Variants in FRS2 observed in about 807,000 individuals in gnomAD.
The protein encoded by FRS2 is FGFR signalling adaptor.
A neutral mutation model predicts 43.9 loss-of-function variants in FRS2; 8 were observed. That is an observed-to-expected ratio of 0.18 (90% confidence interval 0.11 to 0.33). The LOEUF (loss-of-function observed/expected upper bound fraction) is 0.33, where lower values mean the gene tolerates loss of function less well. Among genes scored for constraint, FRS2 ranks in the 10% least tolerant of loss-of-function variants. The probability of loss-of-function intolerance (pLI) is 1.00; values close to 1 mark genes in which losing one functional copy is unlikely to be tolerated. For missense variants in FRS2, 534 were observed against 627.6 expected (o/e 0.85, Z 1.59); for synonymous variants, 219 against 220.3 (o/e 0.99, Z 0.05).
At chr12:69,542,904 T>A (rs988242453) in intron 3 of FRS2, among the ~76,000 whole-genome samples, 2 of 152,184 alleles carry the variant, frequency 1.3e-5, no homozygotes, top group Admixed American at 6.5e-5. Flanking sequence ...TGAGCTAGCT[T>A]GGAGGAAATA....
Position 69,562,157 on chromosome 12 carries a change from CAAT to C in FRS2, c.-121-22_-121-20del. ...TTATTCTTTAGAAATGAGAAATTCT[CAAT>C]GTTTTTCTTCTGTTTTTAGGTTAAA... On this transcript the variant is annotated intron_variant, in intron 3 of 8. Coordinates refer to ENST00000549921, the MANE Select transcript of FRS2 (RefSeq NM_001278356.2). 2.5e-6 allele frequency: 1 copy of C among 397,630 alleles called. No individual in the cohort carries two copies. Among genetic ancestry groups the C allele is most frequent in the Middle Eastern group, 6.3e-4 (1 of 1,582 alleles). The allele number at this position is 397,630 out of a possible 1,614,324, so 24.6% of individuals were successfully genotyped here.
intron 1 of FRS2, among the ~76,000 whole-genome samples, chr12:69,517,375 A>G (rs532764496): frequency 7.9e-5 from 12 of 152,316 alleles, no homozygotes; most frequent in African/African-American, 2.9e-4. Flanking sequence ...CTCATTATGT[A>G]TATGCAGATA....
At chr12:69,482,926 G>T (rs921542448) in intron 1 of FRS2, among the ~76,000 whole-genome samples, 1 of 152,146 alleles carries the variant, frequency 6.6e-6, no homozygotes. Flanking sequence ...TGGTAGGTTA[G>T]TGCCTTGAAA....
chr12:69,493,669 C>T (rs567416715), intron 1 of FRS2, among the ~76,000 whole-genome samples: 7 of 152,190 alleles, frequency 4.6e-5, no homozygotes, highest in Admixed American at 2.6e-4. Flanking sequence ...TGTGATAAGC[C>T]GAGATCGCGC....
At chr12:69,571,863 C>T (rs1435575572) in intron 7 of FRS2, among the ~76,000 whole-genome samples, 1 of 151,922 alleles carries the variant, frequency 6.6e-6, no homozygotes, top group Non-Finnish European at 1.5e-5. Context: ...GACTCCGTCT[C>T]AAAAACAAAA....
At chr12:69,508,751 C>T (rs1208194334) in intron 1 of FRS2, among the ~76,000 whole-genome samples, 2 of 152,184 alleles carry the variant, frequency 1.3e-5, no homozygotes, top group Non-Finnish European at 1.5e-5. Flanking sequence ...TATTTGTCTT[C>T]ATTTTTCTAA....
At chr12:69,512,038 C>T (rs976269928) in intron 1 of FRS2, among the ~76,000 whole-genome samples, 5 of 152,176 alleles carry the variant, frequency 3.3e-5, no homozygotes, top group African/African-American at 1.2e-4. Flanking sequence ...CCAGACTCCA[C>T]AGAGCTGTCA....
At chr12:69,521,340 T>A (rs1875617700) in intron 1 of FRS2, among the ~76,000 whole-genome samples, 1 of 152,218 alleles carries the variant, frequency 6.6e-6, no homozygotes. Flanking sequence ...AATTATGTTG[T>A]CTGCAAACAA....
Position 69,574,034 on chromosome 12 carries a change from G to T in FRS2, c.606G>T (p.Val202=). ...QVHTYVNTTG[V]QEERKNRTSV... is the part of the protein sequence containing the mutation. ...ATACCTATGTCAACACTACAGGTGT[G>T]CAAGAAGAGCGGAAAAACCGCACAA... The change falls in exon 9 of 9, where the codon GTG becomes GTT. Residue 202 remains valine (V), a synonymous_variant. Coordinates refer to ENST00000549921, the MANE Select transcript of FRS2 (RefSeq NM_001278356.2). The T allele has an allele frequency of 6.2e-7, 1 of 1,613,556 alleles. No individual in the cohort carries two copies. Among genetic ancestry groups the T allele is most frequent in the African/African-American group, 1.3e-5 (1 of 75,036 alleles).
chr12:69,493,463 G>T (rs1872632832), intron 1 of FRS2, among the ~76,000 whole-genome samples: 1 of 152,246 alleles, frequency 6.6e-6, no homozygotes, highest in Non-Finnish European at 1.5e-5. Context: ...GCTCACGCCT[G>T]TGATCCCAGC....
chr12:69,475,594 T>A (rs1870689113), intron 1 of FRS2, among the ~76,000 whole-genome samples: 1 of 152,218 alleles, frequency 6.6e-6, no homozygotes, highest in Non-Finnish European at 1.5e-5. Flanking sequence ...AAACTTAGGA[T>A]AATGGCTGGG....
At chr12:69,521,270 G>C (rs2135612046) in intron 1 of FRS2, among the ~76,000 whole-genome samples, 1 of 152,204 alleles carries the variant, frequency 6.6e-6, no homozygotes, top group South Asian at 2.1e-4. Context: ...TGAAACTGCT[G>C]AAGTTGTTTA....
At chr12:69,471,134 A>G (rs982577783) in intron 1 of FRS2, among the ~76,000 whole-genome samples, 1 of 152,100 alleles carries the variant, frequency 6.6e-6, no homozygotes, top group African/African-American at 2.4e-5. Context: ...TGGCACCAGC[A>G]TGCTCTGTAT....
Position 69,576,169 on chromosome 12 carries a change from A to G in FRS2, c.*1214A>G, listed in dbSNP as rs1881177246. Reference sequence around the variant, plus strand: ...GTTGTCTCTGTGGGCACTCTTCCCCAGCACTTTAGCAGTAATTCCCCCAGC... The same window carrying G: ...GTTGTCTCTGTGGGCACTCTTCCCCGGCACTTTAGCAGTAATTCCCCCAGC... On this transcript the variant is annotated 3_prime_UTR_variant, in exon 9 of 9. Coordinates refer to ENST00000549921, the MANE Select transcript of FRS2 (RefSeq NM_001278356.2). 1 of 152,302 alleles carries G rather than the reference A, an allele frequency of 6.6e-6. No homozygotes were observed. Among genetic ancestry groups the G allele is most frequent in the Admixed American group, 6.6e-5 (1 of 15,244 alleles). The allele number at this position is 152,302 out of a possible 1,614,324, so 9.4% of individuals were successfully genotyped here. A position where few individuals can be genotyped will look rare whatever the true frequency, so the allele number is the denominator to read the frequency against.
intron 5 of FRS2, among the ~76,000 whole-genome samples, chr12:69,569,799 C>T (rs1323898841): frequency 6.6e-6 from 1 of 152,192 alleles, no homozygotes; most frequent in African/African-American, 2.4e-5. Flanking sequence ...TTACCTACTG[C>T]TCTTAGTCTT....
intron 1 of FRS2, among the ~76,000 whole-genome samples, chr12:69,481,441 A>AT (rs574729374): frequency 1.3e-4 from 19 of 147,720 alleles, no homozygotes; most frequent in South Asian, 8.6e-4. Context: ...TGCCCAGCTG[A>AT]TTTTTTTTTT....
At chr12:69,478,476 T>TA (rs551891336) in intron 1 of FRS2, among the ~76,000 whole-genome samples, 2 of 152,198 alleles carry the variant, frequency 1.3e-5, no homozygotes, top group Non-Finnish European at 2.9e-5. Flanking sequence ...TGCAGCTCTA[T>TA]AAGGTTAGGA....
chr12:69,547,369 G>C (rs1878497999), intron 3 of FRS2, among the ~76,000 whole-genome samples: 1 of 151,988 alleles, frequency 6.6e-6, no homozygotes, highest in Admixed American at 6.6e-5. Context: ...GCTGAGATGA[G>C]AGAATCCCTT....
At chr12:69,506,550 G>A (rs1873946692) in intron 1 of FRS2, among the ~76,000 whole-genome samples, 2 of 151,962 alleles carry the variant, frequency 1.3e-5, no homozygotes, top group Admixed American at 6.6e-5. Context: ...GAGAGAGAGA[G>A]TACTCATTCT....
Sources: gnomAD v4.1 joint callset for allele counts (sites outside exome capture counted in the v4.1 genomes callset) on GRCh38, gnomAD v4.1.1 for gene constraint, MANE v1.5 for transcripts, NCBI Gene and HGNC (gene_info 2026-07-23, HGNC 2026-07-21) for gene names.